SBF2: variants seen among roughly 807,000 people sequenced by gnomAD.
SBF2 encodes the protein SET binding factor 2, also known as myotubularin-related protein 13.
In SBF2, 112 loss-of-function variants were observed where a neutral mutation model predicts 225.2. That is an observed-to-expected ratio of 0.50 (90% CI 0.43 to 0.58). The LOEUF is 0.58. Ranked by LOEUF, SBF2 falls within the 20% of genes least tolerant of loss-of-function variation. SBF2 has a pLI of 0.00. For synonymous variants in SBF2, 763 were observed against 773.3 expected (o/e 0.99, Z 0.22); for missense variants, 1,996 against 2,206.2 (o/e 0.90, Z 1.91).
chr11:9,959,267 G>C, intron 16 of SBF2: 1 of 775,208 alleles, frequency 1.3e-6, no homozygotes, highest in Non-Finnish European at 2.4e-6. Context: ...AAGCAGGCCC[G>C]GTAATGAGCC....
At chr11:10,265,367 G>A (rs906681742) in intron 1 of SBF2, among the ~76,000 whole-genome samples, 1 of 151,672 alleles carries the variant, frequency 6.6e-6, no homozygotes, top group Non-Finnish European at 1.5e-5. Context: ...ATGCATGTTG[G>A]CTGCATAAAT....
chr11:9,881,749 T>A (rs1233755252), intron 17 of SBF2, among the ~76,000 whole-genome samples: 1 of 151,674 alleles, frequency 6.6e-6, no homozygotes, highest in Non-Finnish European at 1.5e-5. Context: ...CCCCCCCAAT[T>A]AAACAAATAA....
At chr11:9,869,676 A>T (rs1469006953) in intron 17 of SBF2, among the ~76,000 whole-genome samples, 2 of 152,226 alleles carry the variant, frequency 1.3e-5, no homozygotes. Context: ...AACTGCCAAT[A>T]AACTAGGTAT....
intron 32 of SBF2, among the ~76,000 whole-genome samples, chr11:9,796,541 C>A (rs559111517): frequency 1.3e-5 from 2 of 152,128 alleles, no homozygotes; most frequent in East Asian, 3.9e-4. Context: ...GTTTTCTGGT[C>A]AAAAGAAATG....
intron 13 of SBF2, among the ~76,000 whole-genome samples, chr11:9,970,112 T>C (rs1222320876): frequency 6.6e-6 from 1 of 152,226 alleles, no homozygotes; most frequent in Non-Finnish European, 1.5e-5. Flanking sequence ...TCTTGACCAA[T>C]TCTAACACTT....
Position 9,806,879 on chromosome 11 carries a change from G to C in SBF2, c.4443+1121C>G, listed in dbSNP as rs780881775. Among the ~76,000 whole-genome samples the C allele has an allele frequency of 1.6e-4, 25 of 152,092 alleles. 1 individual carries two copies. The highest frequency in any genetic ancestry group is 3.1e-4 in the Non-Finnish European group (21 of 68,032). The stretch of plus-strand genomic sequence containing the variant: ...CAAAACCACTGAACACTTTAAATAG[G>C]TGAATTGTATGATATATATAGTTCA... On this transcript the variant is annotated intron_variant, in intron 32 of 39. Coordinates refer to ENST00000256190, the MANE Select transcript of SBF2 (RefSeq NM_030962.4).
rs148820821 is a variant in SBF2 at position 9,979,308 on chromosome 11, T to C, written c.1395+10189A>G. ...GCTCTCATGCAGACACTGAAGATTC[T>C]GAAAGCCAAAGTGGGCCAACTCCTG... is the stretch of plus-strand genomic sequence containing the variant. On this transcript the variant is annotated intron_variant, in intron 13 of 39. Coordinates refer to ENST00000256190, the MANE Select transcript of SBF2 (RefSeq NM_030962.4). Among the ~76,000 whole-genome samples, 207 of 152,324 alleles carry C rather than the reference T, an allele frequency of 1.4e-3. 1 individual carries two copies. Among genetic ancestry groups the C allele is most frequent in the African/African-American group, 4.6e-3 (190 of 41,574 alleles).
intron 2 of SBF2, among the ~76,000 whole-genome samples, chr11:10,175,494 G>A (rs1252416515): frequency 6.6e-6 from 1 of 151,362 alleles, no homozygotes; most frequent in African/African-American, 2.4e-5. Flanking sequence ...CAATACAGGA[G>A]CACCCAGATT....
chr11:10,017,785 T>C (rs916655010), intron 6 of SBF2, among the ~76,000 whole-genome samples: 2 of 152,130 alleles, frequency 1.3e-5, no homozygotes, highest in African/African-American at 4.8e-5. Flanking sequence ...GGAGACTAAA[T>C]ATAAGAAGTC....
chr11:9,859,596 G>C (rs562058070), intron 17 of SBF2, among the ~76,000 whole-genome samples: 3 of 151,986 alleles, frequency 2.0e-5, no homozygotes, highest in Non-Finnish European at 4.4e-5. Flanking sequence ...GTTTTCTTTC[G>C]AAGCAATTTA....
rs181238388 is a variant in SBF2, at chr11:10,115,895, G to A, written c.142-72914C>T. On this transcript the variant is annotated intron_variant, in intron 2 of 39. Coordinates refer to ENST00000256190, the MANE Select transcript of SBF2 (RefSeq NM_030962.4). Reference sequence around the variant, plus strand: ...ATATTTGTTTATCTGGGCCAGGTGCGGTGGCTCATGCCTGTAATCCTAGCA... The same window carrying A: ...ATATTTGTTTATCTGGGCCAGGTGCAGTGGCTCATGCCTGTAATCCTAGCA... 1.1e-3 allele frequency among the ~76,000 whole-genome samples: 164 copies of A among 152,220 alleles called. 1 individual carries two copies. The highest frequency in any genetic ancestry group is 3.7e-3 in the African/African-American group (153 of 41,538).
intron 23 of SBF2, 24 bp from the exon 24 acceptor site, chr11:9,845,764 C>T (rs371877345): frequency 2.4e-5 from 38 of 1,609,484 alleles, no homozygotes; most frequent in Admixed American, 5.0e-5. Flanking sequence ...AGATTAAACA[C>T]AAAAGAAGCA....
At chr11:10,134,522 A>G (rs1021663173) in intron 2 of SBF2, among the ~76,000 whole-genome samples, 44 of 152,210 alleles carry the variant, frequency 2.9e-4, no homozygotes, top group African/African-American at 1.1e-3. Flanking sequence ...GAGCCTGTAA[A>G]ATCAAAAGCA....
At chr11:10,213,380 A>T (rs970823272) in intron 1 of SBF2, among the ~76,000 whole-genome samples, 1 of 152,204 alleles carries the variant, frequency 6.6e-6, no homozygotes, top group African/African-American at 2.4e-5. Flanking sequence ...ACAAGCAGAC[A>T]ATCAGAACCA....
chr11:9,983,267 C>T (rs1947038831), intron 13 of SBF2, among the ~76,000 whole-genome samples: 1 of 152,176 alleles, frequency 6.6e-6, no homozygotes, highest in African/African-American at 2.4e-5. Flanking sequence ...ACTGGCCCTT[C>T]TGTTTGCGTG....
chr11:9,820,917 C>T (rs151249655), intron 28 of SBF2, among the ~76,000 whole-genome samples: 1 of 152,344 alleles, frequency 6.6e-6, no homozygotes, highest in East Asian at 1.9e-4. Flanking sequence ...AACTTATCCA[C>T]AGGTAGCTAC....
intron 13 of SBF2, among the ~76,000 whole-genome samples, chr11:9,973,779 C>T (rs910794908): frequency 1.3e-5 from 2 of 152,064 alleles, no homozygotes; most frequent in African/African-American, 4.8e-5. Context: ...CAAGGCACAA[C>T]AAAAGCCCCA....
intron 1 of SBF2, among the ~76,000 whole-genome samples, chr11:10,204,502 G>A (rs1957679635): frequency 6.6e-6 from 1 of 151,896 alleles, no homozygotes; most frequent in South Asian, 2.1e-4. Context: ...AGCTGGGTGT[G>A]GTGGCAGGCT....
intron 6 of SBF2, among the ~76,000 whole-genome samples, chr11:10,013,782 A>G (rs1565132965): frequency 6.6e-6 from 1 of 152,242 alleles, no homozygotes; most frequent in African/African-American, 2.4e-5. Context: ...ATAGATCTTT[A>G]CTATAATGAT....
Sources: allele counts gnomAD v4.1 joint callset (sites outside exome capture counted in the v4.1 genomes callset), GRCh38; gene constraint gnomAD v4.1.1; transcripts MANE v1.5; gene names NCBI Gene and HGNC (gene_info 2026-07-23, HGNC 2026-07-21).